PTPDC1: variants seen among roughly 807,000 people sequenced by gnomAD.
PTPDC1 encodes the protein protein tyrosine phosphatase domain-containing protein 1.
PTPDC1 carries 53 observed loss-of-function variants against 75.3 expected under a neutral mutation model. The observed-to-expected ratio is 0.70, with a 90% CI of 0.56 to 0.88. The LOEUF is 0.88. Ranked by LOEUF, PTPDC1 falls within the 40% of genes least tolerant of loss-of-function variation. The probability of loss-of-function intolerance (pLI) is 0.00; values close to 1 mark genes in which losing one functional copy is unlikely to be tolerated. For synonymous variants in PTPDC1, 349 were observed against 366.2 expected, an observed-to-expected ratio of 0.95 and a Z score of 0.54; for missense variants, 925 against 998.6, an observed-to-expected ratio of 0.93 and a Z score of 0.99.
At chr9:94,102,084 A>G (rs1827861049) in intron 7 of PTPDC1, among the ~76,000 whole-genome samples, 1 of 152,102 alleles carries the variant, frequency 6.6e-6, no homozygotes, top group Non-Finnish European at 1.5e-5. Flanking sequence ...TAACATAGCT[A>G]TTTTCCTGTG....
At chr9:94,090,773 T>C (rs1450427770) in intron 4 of PTPDC1, among the ~76,000 whole-genome samples, 1 of 128,906 alleles carries the variant, frequency 7.8e-6, no homozygotes, top group African/African-American at 3.1e-5. Context: ...TGGTTTGTAG[T>C]TCTCCTTGAA....
intron 2 of PTPDC1, among the ~76,000 whole-genome samples, chr9:94,085,843 C>CA (rs1241304204): frequency 2.0e-5 from 3 of 152,108 alleles, no homozygotes; most frequent in Non-Finnish European, 4.4e-5. Flanking sequence ...TATGAAAGGT[C>CA]ACATTTTCAT....
intron 3 of PTPDC1, 63 bp from the exon 4 acceptor site, chr9:94,088,082 A>C: frequency 3.2e-6 from 5 of 1,579,114 alleles, no homozygotes; most frequent in Non-Finnish European, 3.4e-6. Flanking sequence ...ATTAATACCA[A>C]AAATGGTTAA....
intron 8 of PTPDC1, 99 bp from the exon 9 acceptor site, chr9:94,107,729 G>A: frequency 3.6e-6 from 2 of 559,284 alleles, no homozygotes; most frequent in East Asian, 3.0e-5. Flanking sequence ...AGTTTTGTTT[G>A]TAAGTCTGTT....
chr9:94,036,070 A>T, intron 1 of PTPDC1, among the ~76,000 whole-genome samples: 1 of 120,154 alleles, frequency 8.3e-6, no homozygotes, highest in Non-Finnish European at 1.6e-5. Flanking sequence ...TGAGTTCCTG[A>T]TGTATTTTGG....
chr9:94,068,198 A>G (rs1212512978), intron 2 of PTPDC1, among the ~76,000 whole-genome samples: 2 of 152,144 alleles, frequency 1.3e-5, no homozygotes, highest in African/African-American at 2.4e-5. Flanking sequence ...TCAAACTTAC[A>G]GTAAAGGTAC....
At chr9:94,032,145 T>G (rs1018936570) in intron 1 of PTPDC1, among the ~76,000 whole-genome samples, 6 of 152,230 alleles carry the variant, frequency 3.9e-5, no homozygotes, top group Non-Finnish European at 5.9e-5. Context: ...TCCAAGTCTA[T>G]GTGGCTCCAA....
chr9:94,083,444 A>G (rs2117963136), upstream of PTPDC1, among the ~76,000 whole-genome samples: 1 of 151,866 alleles, frequency 6.6e-6, no homozygotes, highest in Non-Finnish European at 1.5e-5. Context: ...TTGGTATAGC[A>G]TTAGTAATCG....
intron 1 of PTPDC1, among the ~76,000 whole-genome samples, chr9:94,051,187 C>T (rs570688165): frequency 2.6e-4 from 39 of 152,308 alleles, no homozygotes; most frequent in African/African-American, 7.5e-4. Context: ...CGCCCTGCTT[C>T]GGCTCATGCT....
At chr9:94,042,324 A>G (rs1305974656) in intron 1 of PTPDC1, among the ~76,000 whole-genome samples, 1 of 152,104 alleles carries the variant, frequency 6.6e-6, no homozygotes, top group African/African-American at 2.4e-5. Context: ...CATCCCCTTC[A>G]GTGAGATTGT....
At chr9:94,101,889 G>A in intron 7 of PTPDC1, 138 bp downstream of exon 7, 1 of 546,998 alleles carries the variant, frequency 1.8e-6, no homozygotes, top group South Asian at 3.3e-5. Context: ...TTTTCCAAGA[G>A]AAGAGAAGAA....
At position 94,037,958 on chromosome 9, in the gene PTPDC1, G is replaced by GT. The variant is rs1825321631; in HGVS notation, c.-7+6835dup. The stretch of plus-strand genomic sequence containing the variant: ...TATATTTGACTATTAAATTATCTCT[G>GT]TTTTGAGAGAGTGGGACGTCCGGCT... On this transcript the variant is annotated intron_variant, in intron 1 of 9. Transcript: ENST00000375360. The GT allele has an allele frequency of 1.1e-5, 3 of 271,186 alleles. No homozygotes were observed. In the South Asian group the frequency reaches 1.3e-4, roughly 12 times the overall value. 16.8% of individuals were successfully genotyped at this position (271,186 alleles called of 1,614,324 possible). A position where few individuals can be genotyped will look rare whatever the true frequency, so the allele number is the denominator to read the frequency against.
chr9:94,062,982 A>G (rs376307100), intron 1 of PTPDC1, among the ~76,000 whole-genome samples: 2 of 152,380 alleles, frequency 1.3e-5, no homozygotes, highest in East Asian at 3.9e-4. Context: ...TGAACCAGTC[A>G]TAACTCATCC....
chr9:94,088,452 A>G (rs1178451259), intron 4 of PTPDC1, among the ~76,000 whole-genome samples, 189 bp downstream of exon 4: 1 of 152,176 alleles, frequency 6.6e-6, no homozygotes, highest in Non-Finnish European at 1.5e-5. Context: ...TGTTCCTGTA[A>G]GAGGGATGTT....
chr9:94,078,736 T>A (rs752380792), intron 2 of PTPDC1, among the ~76,000 whole-genome samples: 1 of 152,212 alleles, frequency 6.6e-6, no homozygotes, highest in Non-Finnish European at 1.5e-5. Context: ...AATTCTTCCT[T>A]CTGCCACTTC....
intron 4 of PTPDC1, 79 bp downstream of exon 4, chr9:94,088,342 A>G (rs1827150545): frequency 6.7e-7 from 1 of 1,495,740 alleles, no homozygotes. Flanking sequence ...TCTTAGATTA[A>G]AAAGATGATG....
chr9:94,053,040 G>A (rs1188089685), intron 1 of PTPDC1, among the ~76,000 whole-genome samples: 3 of 152,152 alleles, frequency 2.0e-5, no homozygotes, highest in African/African-American at 7.2e-5. Flanking sequence ...TTATTATAAT[G>A]TGTTTTCTTA....
chr9:94,058,541 A>G (rs1476038752), intron 1 of PTPDC1, among the ~76,000 whole-genome samples: 2 of 146,916 alleles, frequency 1.4e-5, no homozygotes, highest in African/African-American at 2.5e-5. Flanking sequence ...TCTACTGAAA[A>G]AAAAAAAATA....
intron 7 of PTPDC1, among the ~76,000 whole-genome samples, chr9:94,103,435 A>G (rs1406728274): frequency 6.6e-6 from 1 of 152,202 alleles, no homozygotes; most frequent in Non-Finnish European, 1.5e-5. Flanking sequence ...AGCTCAGACC[A>G]CTTTGGCACA....
Sources: allele counts gnomAD v4.1 joint callset (sites outside exome capture counted in the v4.1 genomes callset), GRCh38; gene constraint gnomAD v4.1.1; transcripts MANE v1.5; gene names NCBI Gene and HGNC (gene_info 2026-07-23, HGNC 2026-07-21).